The following ELN variants were observed in gnomAD, a reference collection of about 807,000 sequenced individuals.
ELN encodes the protein tropoelastin.
Under a neutral mutation model 105.8 loss-of-function variants are expected in ELN, and 65 were observed. The ratio of observed to expected loss-of-function variants is 0.61; its 90% CI spans 0.50 to 0.75. The LOEUF is 0.75. ELN is among the 30% of genes least tolerant of loss of function. The pLI is 0.00. For synonymous variants in ELN, 368 were observed against 389.2 expected (o/e 0.95, Z 0.64); for missense variants, 882 against 969.4 (o/e 0.91, Z 1.20).
At chr7:74,042,807 G>A in intron 6 of ELN, 101 bp downstream of exon 6, 1 of 1,537,270 alleles carries the variant, frequency 6.5e-7, no homozygotes, top group Non-Finnish European at 8.9e-7. Flanking sequence ...GGAGCCGGGT[G>A]GGTGGGATTG....
Position 74,063,295 on chromosome 7 carries a change from G to T in ELN, c.1859-15G>T, listed in dbSNP as rs369551022. 1 of 1,563,076 alleles carries T rather than the reference G, an allele frequency of 6.4e-7. No individual in the cohort carries two copies. The highest frequency in any genetic ancestry group is 8.7e-7 in the Non-Finnish European group (1 of 1,153,740). ...CAGTACAGAGTGCCTCCCTGAACTC[G>T]GTCTGTGTTCCCAGGAGCCGGACCC... On this transcript the variant is annotated splice_polypyrimidine_tract_variant and intron_variant, in intron 27 of 32. Transcript: ENST00000252034. The surrounding 1 kb of genome is among the most constrained non-coding windows in gnomAD (Gnocchi z 4.1).
intron 22 of ELN, chr7:74,059,611 G>T: frequency 1.8e-6 from 1 of 556,502 alleles, no homozygotes; most frequent in East Asian, 3.1e-5. Flanking sequence ...TTGAACTCGG[G>T]AGGTGGTGGT....
intron 31 of ELN, among the ~76,000 whole-genome samples, chr7:74,066,319 C>A (rs973763285): frequency 1.3e-4 from 20 of 152,318 alleles, no homozygotes; most frequent in Admixed American, 3.3e-4. Context: ...GTAATCCCAG[C>A]ACTTTGGGAG....
chr7:74,068,570 C>A, intron 32 of ELN, 87 bp from the exon 33 acceptor site: 9 of 1,545,108 alleles, frequency 5.8e-6, no homozygotes, highest in Non-Finnish European at 8.0e-6. Flanking sequence ...CTTGGAGCCT[C>A]CATTCGAGTG....
chr7:74,064,215 A>G (rs544761817), intron 29 of ELN, among the ~76,000 whole-genome samples: 205 of 151,424 alleles, frequency 1.4e-3, no homozygotes, highest in East Asian at 6.2e-3. Flanking sequence ...TCAGATCAAG[A>G]CCATCCTGGC....
chr7:74,047,552 T>A (rs1792864543), intron 12 of ELN, 123 bp from the exon 13 acceptor site: 1 of 1,377,686 alleles, frequency 7.3e-7, no homozygotes, highest in East Asian at 2.3e-5. Context: ...TGGGAGCAGC[T>A]CAGGACCCTG....
In ELN at chr7:74,039,969, A is replaced by G. The variant is rs547621256; in HGVS notation, c.197-1247A>G. 2.6e-5 allele frequency among the ~76,000 whole-genome samples: 4 copies of G among 152,336 alleles called. 1 individual carries two copies. In the South Asian group the frequency reaches 8.3e-4, roughly 32 times the overall value. On this transcript the variant is annotated intron_variant, in intron 4 of 32. Coordinates refer to ENST00000252034, the MANE Select transcript of ELN (RefSeq NM_000501.4). The stretch of plus-strand genomic sequence containing the variant: ...GGTCCCTGGACTCCCAGCTGTGGTC[A>G]GCCCCTCCCCGCTTTCTCCTCCTTT...
chr7:74,066,293 G>A (rs1267776108), intron 31 of ELN, among the ~76,000 whole-genome samples: 5 of 152,224 alleles, frequency 3.3e-5, no homozygotes, highest in Non-Finnish European at 7.3e-5. Flanking sequence ...TTGGCTGGGC[G>A]TGGTGGCTCA....
intron 19 of ELN, among the ~76,000 whole-genome samples, chr7:74,055,470 T>C (rs1339934314): frequency 2.0e-5 from 3 of 151,854 alleles, no homozygotes; most frequent in Non-Finnish European, 2.9e-5. Flanking sequence ...ATTTTAATTT[T>C]TTTTTCTTTT....
chr7:74,055,251 G>T (rs1583894062), intron 19 of ELN, among the ~76,000 whole-genome samples: 1 of 152,172 alleles, frequency 6.6e-6, no homozygotes, highest in Non-Finnish European at 1.5e-5. Context: ...ACCAGCATGG[G>T]CAAAATAGCA....
Position 74,063,789 on chromosome 7 carries a change from C to A in ELN, c.1993+94C>A. ...CAGAGACAGAGACTTTCGTTCCCAC[C>A]CCTGGCACGTCTTTGCTCAAGATGT... On this transcript the variant is annotated intron_variant, in intron 29 of 32. Transcript: ENST00000252034. This position sits in a 1 kb window ranked among gnomAD's most constrained non-coding sequence, Gnocchi z 4.1. The A allele has an allele frequency of 6.5e-7, 1 of 1,547,424 alleles. No individual in the cohort carries two copies. Among genetic ancestry groups the A allele is most frequent in the South Asian group, 1.1e-5 (1 of 88,964 alleles).
At chr7:74,041,113 G>C (rs1791100142) in intron 4 of ELN, 103 bp from the exon 5 acceptor site, 1 of 1,472,000 alleles carries the variant, frequency 6.8e-7, no homozygotes, top group Non-Finnish European at 9.5e-7. Context: ...CCAGCCTAGG[G>C]ACCTGAGTGG....
At position 74,061,118 on chromosome 7, in the gene ELN, G is replaced by A. The variant is rs1334861399; in HGVS notation, c.1765G>A (p.Ala589Thr). ...GFGAVPGALA[A>T]AKAAKYGAAV... ...CTCCCCAGTACCTGGAGCCCTGGCT[G>A]CCGCTAAAGCAGCCAAATATGGTGA... Residue 589 changes from alanine (A) to threonine (T), a missense_variant, in exon 26 of 33, where the codon GCC becomes ACC. By Grantham distance (58) the Ala-to-Thr change is moderately conservative. Transcript: ENST00000252034. The A allele has an allele frequency of 2.5e-6, 4 of 1,614,012 alleles. No homozygotes were observed. The South Asian group carries it at 4.4e-5, about 18-fold the overall frequency.
chr7:74,049,398 C>CCTTCCACT (rs1793374587), intron 15 of ELN, among the ~76,000 whole-genome samples: 1 of 151,288 alleles, frequency 6.6e-6, no homozygotes, highest in Non-Finnish European at 1.5e-5. Context: ...ATCCATCCAT[C>CCTTCCACT]TATGCACCCA....
chr7:74,029,975 G>A (rs1452223818), intron 1 of ELN, among the ~76,000 whole-genome samples: 3 of 152,192 alleles, frequency 2.0e-5, no homozygotes, highest in Admixed American at 1.3e-4. Context: ...ATTTGGGGAG[G>A]GGAAGGCTTG....
intron 11 of ELN, 42 bp downstream of exon 11, chr7:74,046,259 C>T (rs782125307): frequency 6.2e-7 from 1 of 1,613,960 alleles, no homozygotes; most frequent in East Asian, 2.2e-5. Context: ...GCCAGCCAGG[C>T]AGAGGCTCTG....
intron 2 of ELN, among the ~76,000 whole-genome samples, chr7:74,036,220 G>A (rs531744120): frequency 2.0e-3 from 302 of 152,132 alleles, no homozygotes; most frequent in Non-Finnish European, 3.4e-3. Flanking sequence ...ATTGAACCCA[G>A]GAGGCGGAGC....
chr7:74,041,092 A>G, intron 4 of ELN, 124 bp from the exon 5 acceptor site: 1 of 1,248,476 alleles, frequency 8.0e-7, no homozygotes. Context: ...TGAGCATCAC[A>G]GGCTTAGGGA....
intron 2 of ELN, 87 bp from the exon 3 acceptor site, chr7:74,036,468 G>A: frequency 1.3e-6 from 2 of 1,577,566 alleles, no homozygotes; most frequent in Non-Finnish European, 1.7e-6. Context: ...GTTAGGCAGA[G>A]GTGGATTCAG....
Sources: allele counts gnomAD v4.1 joint callset (sites outside exome capture counted in the v4.1 genomes callset), GRCh38; gene constraint gnomAD v4.1.1; non-coding constraint Gnocchi (gnomAD v3.1); transcripts MANE v1.5; gene names NCBI Gene and HGNC (gene_info 2026-07-23, HGNC 2026-07-21).